Variants in CIITA observed in about 807,000 individuals in gnomAD.
The protein encoded by CIITA is MHC class II transactivator.
Under a neutral mutation model 115.1 loss-of-function variants are expected in CIITA, and 72 were observed. The observed-to-expected ratio is 0.63, with a 90% CI of 0.52 to 0.76. The LOEUF is 0.76. CIITA is among the 30% of genes least tolerant of loss of function. CIITA has a pLI of 0.00. For synonymous variants in CIITA, 763 were observed against 635.6 expected, an observed-to-expected ratio of 1.20 and a Z score of -3.02; for missense variants, 1,617 against 1,463.8, an observed-to-expected ratio of 1.10 and a Z score of -1.71.
At chr16:10,916,829 C>T (rs1464018855) in intron 15 of CIITA, 2 of 387,008 alleles carry the variant, frequency 5.2e-6, no homozygotes, top group Non-Finnish European at 9.7e-6. Context: ...TTTACTTACC[C>T]AACCATTTAT....
In CIITA at chr16:10,906,594, G is replaced by C; in HGVS notation, c.1102G>C (p.Ala368Pro). The C allele has an allele frequency of 6.2e-7, 1 of 1,613,708 alleles. No individual in the cohort carries two copies. Among genetic ancestry groups the C allele is most frequent in the East Asian group, 2.2e-5 (1 of 44,884 alleles). Reference sequence around the variant, plus strand: ...CCTAGTGGAGGTGGATCTGGTGCAGGCCAGGCTGGAGAGGAGCAGCAGCAA... The same window carrying C: ...CCTAGTGGAGGTGGATCTGGTGCAGCCCAGGCTGGAGAGGAGCAGCAGCAA... ...GILVEVDLVQ[A>P]RLERSSSKSL... The change falls in exon 11 of 20, where the codon GCC (alanine) becomes CCC (proline). Residue 368 changes from alanine (A) to proline (P), a missense_variant. By Grantham distance (27) the Ala-to-Pro change is conservative (BLOSUM62 -1). Coordinates refer to ENST00000324288, the MANE Select transcript of CIITA (RefSeq NM_000246.4).
At chr16:10,871,959 G>A (rs910914050) in intron 1 of CIITA, among the ~76,000 whole-genome samples, 1 of 152,192 alleles carries the variant, frequency 6.6e-6, no homozygotes, top group Non-Finnish European at 1.5e-5. Context: ...CACGGTTTCT[G>A]TTCTCTGTTG....
Position 10,929,112 on chromosome 16 carries a change from C to T in CIITA, c.*5257C>T. 2.8e-6 allele frequency: 2 copies of T among 726,744 alleles called. No homozygotes were observed. Among genetic ancestry groups the T allele is most frequent in the Non-Finnish European group, 3.4e-6 (2 of 593,822 alleles). 45.0% of individuals were successfully genotyped at this position (726,744 alleles called of 1,614,324 possible). ...AGCGAGAATCCCACCCTCAGCCCCCCAACAGCTTCCTCAGCTTCTTTTTCT... is the reference window on the plus strand; with the variant it reads ...AGCGAGAATCCCACCCTCAGCCCCCTAACAGCTTCCTCAGCTTCTTTTTCT... On this transcript the variant is annotated 3_prime_UTR_variant, in exon 20 of 20. Transcript: ENST00000324288. This position sits in a 1 kb window ranked among gnomAD's most constrained non-coding sequence, Gnocchi z 4.3.
At chr16:10,872,598 C>T (rs1185403703), upstream of CIITA, among the ~76,000 whole-genome samples, 1 of 152,252 alleles carries the variant, frequency 6.6e-6, no homozygotes, top group East Asian at 1.9e-4. Flanking sequence ...CCCTGCATTC[C>T]TACCAGCTAA....
rs2040539775 is a variant in CIITA, at chr16:10,926,583, C to G, written c.*2728C>G. On this transcript the variant is annotated 3_prime_UTR_variant, in exon 20 of 20. Coordinates refer to ENST00000324288, the MANE Select transcript of CIITA (RefSeq NM_000246.4). ...AGACAGAGTTTTCACTCTTATTGCCCACGCTGGAGTGCAGTGGCATGATCT... is the reference window on the plus strand; with the variant it reads ...AGACAGAGTTTTCACTCTTATTGCCGACGCTGGAGTGCAGTGGCATGATCT... 1 of 152,196 alleles carries G rather than the reference C, an allele frequency of 6.6e-6. No individual in the cohort carries two copies. The highest frequency in any genetic ancestry group is 6.5e-5 in the Admixed American group (1 of 15,282). 9.4% of individuals were successfully genotyped at this position (152,196 alleles called of 1,614,324 possible). A position where few individuals can be genotyped will look rare whatever the true frequency, so the allele number is the denominator to read the frequency against.
intron 3 of CIITA, among the ~76,000 whole-genome samples, chr16:10,897,998 C>T (rs2144376188): frequency 6.6e-6 from 1 of 152,314 alleles, no homozygotes; most frequent in East Asian, 1.9e-4. Flanking sequence ...CACTCTGCCA[C>T]TGTGACCCAG....
chr16:10,873,940 GT>G (rs558378965), upstream of CIITA, among the ~76,000 whole-genome samples: 707 of 152,160 alleles, frequency 4.6e-3, 9 homozygotes, highest in African/African-American at 0.016. Context: ...CTCTGCAAGA[GT>G]TTTTTGTTGT....
At chr16:10,908,321 C>T (rs1484684713) in intron 11 of CIITA, 172 bp downstream of exon 11, 5 of 805,338 alleles carry the variant, frequency 6.2e-6, no homozygotes, top group African/African-American at 1.7e-5. Flanking sequence ...AGAGGGGCAG[C>T]CACTTGCCAC....
In CIITA at chr16:10,927,975, T is replaced by G. The variant is rs2040603280; in HGVS notation, c.*4120T>G. On this transcript the variant is annotated 3_prime_UTR_variant, in exon 20 of 20. Transcript: ENST00000324288. ...CCACGCACCTTCCAAATGGTCACTC[T>G]TCCTCGCAGGCCTCTCTCTGCATAC... 6.6e-6 allele frequency: 1 copy of G among 152,212 alleles called. No homozygotes were observed. Among genetic ancestry groups the G allele is most frequent in the South Asian group, 2.1e-4 (1 of 4,822 alleles). 9.4% of individuals were successfully genotyped at this position (152,212 alleles called of 1,614,324 possible). A position where few individuals can be genotyped will look rare whatever the true frequency, so the allele number is the denominator to read the frequency against.
chr16:10,890,625 G>A (rs77213815), intron 1 of CIITA, among the ~76,000 whole-genome samples: 2,141 of 152,214 alleles, frequency 0.014, 52 homozygotes, highest in African/African-American at 0.047. Context: ...AGTCTGCAGG[G>A]TCCCCTTATG....
intron 1 of CIITA, among the ~76,000 whole-genome samples, chr16:10,877,995 G>A (rs1308083009): frequency 6.6e-6 from 1 of 152,210 alleles, no homozygotes; most frequent in Non-Finnish European, 1.5e-5. Flanking sequence ...TGGGAAGGGT[G>A]TGCCCCTGAA....
In CIITA at chr16:10,907,085, C is replaced by T. The variant is rs758998471; in HGVS notation, c.1593C>T (p.Gly531=). ...EPCSLRGLLA[G]LFQKKLLRGC... ...GCTCCCTCCGGGGGCTGCTGGCCGG[C>T]CTTTTCCAGAAGAAGCTGCTCCGAG... Residue 531 remains glycine (G), a synonymous_variant, in exon 11 of 20, where the codon GGC becomes GGT. Transcript: ENST00000324288. The surrounding 1 kb of genome is among the most constrained non-coding windows in gnomAD (Gnocchi z 5.0). 2.5e-6 allele frequency: 4 copies of T among 1,608,402 alleles called. 1 individual carries two copies. The South Asian group carries it at 3.3e-5, about 13-fold the overall frequency.
intron 1 of CIITA, among the ~76,000 whole-genome samples, chr16:10,892,112 T>C (rs1289129079): frequency 6.6e-6 from 1 of 151,920 alleles, no homozygotes; most frequent in Admixed American, 6.6e-5. Flanking sequence ...TCACCTGAGG[T>C]CGGGAGTTCG....
intron 1 of CIITA, chr16:10,866,442 G>A (rs1289592729): frequency 3.5e-6 from 2 of 566,956 alleles, no homozygotes; most frequent in African/African-American, 1.9e-5. Context: ...CTGATAGTGA[G>A]GCTCTGGCCA....
chr16:10,890,416 A>T (rs748552680), intron 1 of CIITA, among the ~76,000 whole-genome samples: 1 of 151,972 alleles, frequency 6.6e-6, no homozygotes, highest in Non-Finnish European at 1.5e-5. Flanking sequence ...CCTCCTGAGT[A>T]GCTGGTTCTA....
At chr16:10,914,860 G>C (rs776760208) in intron 13 of CIITA, among the ~76,000 whole-genome samples, 17 of 152,132 alleles carry the variant, frequency 1.1e-4, no homozygotes, top group Non-Finnish European at 2.2e-4. Context: ...AAATGCAAAG[G>C]CATATTAGTC....
Position 10,908,161 on chromosome 16 carries a change from G to T in CIITA, c.2657+12G>T. ...GTCACCCGTTTCAGGTGGGGTGAGG[G>T]GCTTGGGGAAGAGACATCCTTGTGT... is the stretch of plus-strand genomic sequence containing the variant. On this transcript the variant is annotated intron_variant, in intron 11 of 19. Transcript: ENST00000324288. 1.3e-6 allele frequency: 2 copies of T among 1,554,628 alleles called. No individual in the cohort carries two copies. Among genetic ancestry groups the T allele is most frequent in the African/African-American group, 1.4e-5 (1 of 73,334 alleles).
chr16:10,876,793 G>C (rs567453372), upstream of CIITA, among the ~76,000 whole-genome samples: 3 of 152,202 alleles, frequency 2.0e-5, no homozygotes, highest in Non-Finnish European at 4.4e-5. Context: ...CATGGTAGAG[G>C]AGAGCAGCAT....
upstream of CIITA, chr16:10,866,221 T>C: frequency 2.2e-6 from 1 of 448,498 alleles, no homozygotes; most frequent in Non-Finnish European, 4.3e-6. Flanking sequence ...ATGTTTTGGA[T>C]GCTGCATGCT....
Sources: gnomAD v4.1 joint callset for allele counts (sites outside exome capture counted in the v4.1 genomes callset) on GRCh38, gnomAD v4.1.1 for gene constraint, Gnocchi (gnomAD v3.1) non-coding constraint, MANE v1.5 for transcripts, NCBI Gene and HGNC (gene_info 2026-07-23, HGNC 2026-07-21) for gene names.